The following ASIC2 variants were observed in gnomAD, a reference collection of about 807,000 sequenced individuals.
ASIC2 encodes acid-sensing ion channel 2.
Under a neutral mutation model 57.3 loss-of-function variants are expected in ASIC2, and 25 were observed. The observed-to-expected ratio is 0.44, with a 90% confidence interval of 0.32 to 0.61. The LOEUF is 0.61. ASIC2 is among the 20% of genes least tolerant of loss of function. ASIC2 has a pLI of 0.06. For missense variants in ASIC2, 641 were observed against 738.1 expected (o/e 0.87, Z 1.52); for synonymous variants, 319 against 307.5 (o/e 1.04, Z -0.39).
At chr17:34,034,672 T>C (rs186031225) in intron 1 of ASIC2, among the ~76,000 whole-genome samples, 107 of 152,282 alleles carry the variant, frequency 7.0e-4, no homozygotes, top group African/African-American at 2.1e-3. Context: ...AGTCTCAGGA[T>C]ACAAAATCAA....
chr17:33,090,973 C>T (rs2092155297), intron 2 of ASIC2, among the ~76,000 whole-genome samples: 1 of 152,188 alleles, frequency 6.6e-6, no homozygotes, highest in South Asian at 2.1e-4. Flanking sequence ...CCCTCCAGTA[C>T]AGTCATTGTT....
At chr17:33,014,187 C>T (rs1191913064) in intron 9 of ASIC2, 121 bp from the exon 10 acceptor site, 6 of 755,574 alleles carry the variant, frequency 7.9e-6, no homozygotes, top group Non-Finnish European at 1.4e-5. Context: ...GCTTCTGCTC[C>T]AGACATCTGA....
chr17:33,661,853 G>T (rs1187138403), intron 1 of ASIC2, among the ~76,000 whole-genome samples: 1 of 152,088 alleles, frequency 6.6e-6, no homozygotes. Flanking sequence ...ACTGACTGGC[G>T]GCAGAAATAA....
intron 1 of ASIC2, among the ~76,000 whole-genome samples, chr17:33,324,354 C>A (rs1906984818): frequency 6.6e-6 from 1 of 152,082 alleles, no homozygotes; most frequent in Admixed American, 6.5e-5. Context: ...GACTCTCTGC[C>A]CCTCAATTTC....
chr17:34,110,932 T>C (rs8064347), intron 1 of ASIC2, among the ~76,000 whole-genome samples: 4,085 of 152,152 alleles, frequency 0.027, 207 homozygotes, highest in African/African-American at 0.093. Flanking sequence ...CTTTCAAAAT[T>C]ATAGGCACAA....
At chr17:33,842,020 C>T (rs1913452655) in intron 1 of ASIC2, among the ~76,000 whole-genome samples, 1 of 151,956 alleles carries the variant, frequency 6.6e-6, no homozygotes, top group African/African-American at 2.4e-5. Flanking sequence ...ACATATCCGC[C>T]TTATGTATGG....
rs138229017 is a variant in ASIC2, at chr17:33,096,205, C to T, written c.860-7215G>A. On this transcript the variant is annotated intron_variant, in intron 2 of 9. Transcript: ENST00000225823. ...CCCTAAAGCATTTCCTGAGATGCTG[C>T]TTTGGAGTTCATAGAAGCAGAAAGG... Among the ~76,000 whole-genome samples, 8 of 152,294 alleles carry T rather than the reference C, an allele frequency of 5.3e-5. No homozygotes were observed. The East Asian group carries it at 1.5e-3, about 29-fold the overall frequency.
At chr17:33,278,788 C>T (rs531990068) in intron 1 of ASIC2, among the ~76,000 whole-genome samples, 2 of 151,868 alleles carry the variant, frequency 1.3e-5, no homozygotes, top group South Asian at 2.1e-4. Context: ...ATCCTTTTTC[C>T]TGTTTCGACA....
At chr17:33,450,526 G>A (rs1024875458) in intron 1 of ASIC2, among the ~76,000 whole-genome samples, 19 of 152,184 alleles carry the variant, frequency 1.2e-4, no homozygotes, top group Non-Finnish European at 2.5e-4. Context: ...CTCTGTTCCT[G>A]AAAGAGGTGC....
chr17:34,099,499 A>G (rs1223066943), intron 1 of ASIC2, among the ~76,000 whole-genome samples: 1 of 145,198 alleles, frequency 6.9e-6, no homozygotes, highest in African/African-American at 2.7e-5. Context: ...GAAAAGAAGG[A>G]AAGAGGAAAG....
chr17:33,145,662 C>T (rs1033743314), intron 1 of ASIC2, among the ~76,000 whole-genome samples: 1 of 152,184 alleles, frequency 6.6e-6, no homozygotes, highest in Non-Finnish European at 1.5e-5. Context: ...TTTTGAATCT[C>T]AATTTCTTCA....
intron 1 of ASIC2, among the ~76,000 whole-genome samples, chr17:33,314,496 T>C (rs1906561948): frequency 6.6e-6 from 1 of 152,192 alleles, no homozygotes; most frequent in Non-Finnish European, 1.5e-5. Context: ...TACATCACTG[T>C]GCAGAAGAAT....
At chr17:33,780,562 T>A (rs1451354055) in intron 1 of ASIC2, among the ~76,000 whole-genome samples, 1 of 152,238 alleles carries the variant, frequency 6.6e-6, no homozygotes, top group Non-Finnish European at 1.5e-5. Context: ...GGACCTGAGT[T>A]TGAATCCCTA....
chr17:33,108,827 TG>T (rs2092245590), intron 2 of ASIC2, among the ~76,000 whole-genome samples: 1 of 152,116 alleles, frequency 6.6e-6, no homozygotes, highest in Non-Finnish European at 1.5e-5. Context: ...GAGTTCTGCC[TG>T]ACACTCAAGG....
intron 1 of ASIC2, among the ~76,000 whole-genome samples, chr17:33,579,305 T>C (rs67338988): frequency 1.1e-5 from 1 of 94,098 alleles, no homozygotes; most frequent in Non-Finnish European, 2.1e-5. Context: ...AAAAAAAAAA[T>C]GCAGGTGGGT....
chr17:34,048,413 G>A (rs926309606), intron 1 of ASIC2, among the ~76,000 whole-genome samples: 21 of 152,118 alleles, frequency 1.4e-4, no homozygotes, highest in African/African-American at 4.8e-4. Flanking sequence ...AGCTTGCAAG[G>A]AAAGATAGTA....
chr17:33,731,911 A>T (rs917965219), intron 1 of ASIC2, among the ~76,000 whole-genome samples: 14 of 152,188 alleles, frequency 9.2e-5, no homozygotes, highest in Non-Finnish European at 1.5e-4. Context: ...AGCTGTTGTG[A>T]TATGTGTACC....
At chr17:33,164,632 A>G (rs1484290297) in intron 1 of ASIC2, among the ~76,000 whole-genome samples, 1 of 152,150 alleles carries the variant, frequency 6.6e-6, no homozygotes, top group East Asian at 1.9e-4. Context: ...GCACGCATGC[A>G]AACACGACTG....
intron 1 of ASIC2, among the ~76,000 whole-genome samples, chr17:34,052,392 C>CCG (rs1238904278): frequency 4.6e-5 from 7 of 152,188 alleles, no homozygotes; most frequent in Non-Finnish European, 1.0e-4. Context: ...TATATTGCCA[C>CCG]CGGAATCCTC....
Sources: gnomAD v4.1 joint callset for allele counts (sites outside exome capture counted in the v4.1 genomes callset) on GRCh38, gnomAD v4.1.1 for gene constraint, MANE v1.5 for transcripts, NCBI Gene and HGNC (gene_info 2026-07-23, HGNC 2026-07-21) for gene names.